Variants in DNAH6 observed in about 807,000 individuals in gnomAD.
DNAH6 encodes the protein dynein axonemal heavy chain 6, also known as axonemal beta dynein heavy chain 6.
Under a neutral mutation model 491.4 loss-of-function variants are expected in DNAH6, and 340 were observed. The ratio of observed to expected loss-of-function variants is 0.69; its 90% CI spans 0.63 to 0.76. DNAH6 has a LOEUF of 0.76. DNAH6 is among the 30% of genes least tolerant of loss of function. The probability of loss-of-function intolerance (pLI) is 0.00; values close to 1 mark genes in which losing one functional copy is unlikely to be tolerated. For missense variants in DNAH6, 4,443 were observed against 4,972.2 expected (o/e 0.89, Z 3.20); for synonymous variants, 1,603 against 1,686.1 (o/e 0.95, Z 1.21).
the DNAH6 span, among the ~76,000 whole-genome samples, chr2:84,476,277 G>A: frequency 3.9e-5 from 6 of 152,230 alleles, no homozygotes; most frequent in South Asian, 2.1e-4. Flanking sequence ...CTATAGTTAC[G>A]GGAAATTGCC....
rs1680256840 is a variant in DNAH6 at position 84,814,042 on chromosome 2, C to T, written c.12070C>T (p.Pro4024Ser). 1 of 1,551,726 alleles carries T rather than the reference C, an allele frequency of 6.4e-7. No homozygotes were observed. Among genetic ancestry groups the T allele is most frequent in the Non-Finnish European group, 8.7e-7 (1 of 1,146,986 alleles). The change falls in exon 75 of 77, where the codon CCC becomes TCC. Residue 4024 changes from proline (P) to serine (S), a missense_variant. This residue lies in a region of DNAH6 where 1,463 missense variants were observed against 1,656.6 expected (regional missense o/e 0.88). Coordinates refer to ENST00000389394, the MANE Select transcript of DNAH6 (RefSeq NM_001370.2). ...DELSFKYSVI[P>S]TYRDQAAVIE... ...GCTGAGTTTCAAATACAGCGTAATT[C>T]CCACCTATCGGGATCAAGCTGCAGT...
At chr2:84,758,467 C>CA (rs1446640124) in intron 63 of DNAH6, among the ~76,000 whole-genome samples, 3 of 151,524 alleles carry the variant, frequency 2.0e-5, no homozygotes, top group South Asian at 2.1e-4. Flanking sequence ...AAGGACACAA[C>CA]AAAAAAAGAA....
intron 4 of DNAH6, among the ~76,000 whole-genome samples, chr2:84,538,832 A>G (rs564124761): frequency 1.3e-5 from 2 of 152,204 alleles, no homozygotes; most frequent in East Asian, 3.9e-4. Context: ...CTTTTTAGGC[A>G]GCTTTTAAAA....
chr2:84,507,751 A>G, the DNAH6 span, among the ~76,000 whole-genome samples: 2 of 152,132 alleles, frequency 1.3e-5, no homozygotes, highest in Non-Finnish European at 2.9e-5. Flanking sequence ...ATCAATACCT[A>G]ATTTATTGAG....
chr2:84,669,231 A>G (rs1218609983), intron 37 of DNAH6, 58 bp from the exon 38 acceptor site: 1 of 1,297,268 alleles, frequency 7.7e-7, no homozygotes, highest in Non-Finnish European at 1.1e-6. Flanking sequence ...TGTATCTACT[A>G]CTGTGTGTCA....
In DNAH6 at chr2:84,624,325, C is replaced by G; in HGVS notation, c.4132C>G (p.Leu1378Val). ...GSLPKLHRNI[L>V]TALITIDVHA... ...TCTTCCTAAATTACACAGAAACATC[C>G]TAACTGCATTGATTACTATTGATGT... is the stretch of plus-strand genomic sequence containing the variant. Residue 1378 changes from leucine to valine, a missense_variant, in exon 27 of 77, where the codon CTA becomes GTA. By Grantham distance (32) the Leu-to-Val change is conservative. Coordinates refer to ENST00000389394, the MANE Select transcript of DNAH6 (RefSeq NM_001370.2). 2 of 1,551,196 alleles carry G rather than the reference C, an allele frequency of 1.3e-6. No homozygotes were observed. The highest frequency in any genetic ancestry group is 1.7e-6 in the Non-Finnish European group (2 of 1,146,618).
At chr2:84,688,684 G>T in intron 45 of DNAH6, 91 bp downstream of exon 45, 1 of 1,016,200 alleles carries the variant, frequency 9.8e-7, no homozygotes. Flanking sequence ...TCTTCAAACA[G>T]ATTGCTAGAT....
intron 63 of DNAH6, among the ~76,000 whole-genome samples, chr2:84,758,228 T>TTATTTA (rs1419783714): frequency 1.3e-5 from 2 of 152,220 alleles, no homozygotes; most frequent in African/African-American, 4.8e-5. Context: ...GTGTTACCAT[T>TTATTTA]TTGGTATTTA....
At position 84,624,535 on chromosome 2, in the gene DNAH6, G is replaced by A. The variant is rs1687679501; in HGVS notation, c.4268G>A (p.Cys1423Tyr). Residue 1423 changes from cysteine to tyrosine, a missense_variant, in exon 28 of 77, where the codon TGT (cysteine) becomes TAT (tyrosine). Physicochemically the swap from Cys to Tyr is radical, Grantham distance 194. This residue lies in a region of DNAH6 where 2,977 missense variants were observed against 3,296.6 expected (regional missense o/e 0.90). Transcript: ENST00000389394. ...RYYWDIDLDN[C>Y]VARMALSQYT... is the part of the protein sequence containing the mutation. The stretch of plus-strand genomic sequence containing the variant: ...TACTGGGATATAGACCTGGATAATT[G>A]TGTGGCTAGAATGGCGCTCTCTCAG... The A allele has an allele frequency of 1.3e-6, 2 of 1,551,740 alleles. No individual in the cohort carries two copies. Among genetic ancestry groups the A allele is most frequent in the Non-Finnish European group, 1.7e-6 (2 of 1,147,000 alleles).
the DNAH6 span, among the ~76,000 whole-genome samples, chr2:84,483,843 C>T: frequency 1.1e-4 from 17 of 152,046 alleles, no homozygotes; most frequent in African/African-American, 4.1e-4. Flanking sequence ...CCAGCATCTT[C>T]GTGTGTGACC....
At chr2:84,606,487 G>A (rs1319695765) in intron 20 of DNAH6, among the ~76,000 whole-genome samples, 2 of 152,162 alleles carry the variant, frequency 1.3e-5, no homozygotes, top group African/African-American at 2.4e-5. Flanking sequence ...GTAGGGGAGG[G>A]AGGTGGAGGA....
chr2:84,510,957 G>A, the DNAH6 span, among the ~76,000 whole-genome samples: 82 of 152,274 alleles, frequency 5.4e-4, no homozygotes, highest in African/African-American at 1.8e-3. Flanking sequence ...AGGAGTACCC[G>A]GCCGTGTGAG....
At chr2:84,799,507 G>T (rs1224968471) in intron 70 of DNAH6, among the ~76,000 whole-genome samples, 2 of 152,244 alleles carry the variant, frequency 1.3e-5, no homozygotes, top group South Asian at 4.1e-4. Flanking sequence ...GCTGGGCTGA[G>T]AAGCCTAGGC....
chr2:84,804,630 AT>A (rs1679243972), intron 70 of DNAH6, among the ~76,000 whole-genome samples: 1 of 152,098 alleles, frequency 6.6e-6, no homozygotes. Flanking sequence ...AGTTAATTGA[AT>A]AAAAGAATGA....
chr2:84,601,032 T>A (rs1274533808), intron 18 of DNAH6, among the ~76,000 whole-genome samples: 14 of 146,704 alleles, frequency 9.5e-5, no homozygotes, highest in African/African-American at 3.0e-4. Flanking sequence ...ATAATGTTAT[T>A]ATTATACTAT....
At chr2:84,819,227 A>T in intron 76 of DNAH6, 78 bp from the exon 77 acceptor site, 1 of 1,046,116 alleles carries the variant, frequency 9.6e-7, no homozygotes, top group Non-Finnish European at 1.4e-6. Flanking sequence ...AGATGTCTTG[A>T]CTCTTTGTAG....
intron 76 of DNAH6, 113 bp downstream of exon 76, chr2:84,816,196 TTAAAA>T: frequency 1.2e-6 from 1 of 800,726 alleles, no homozygotes; most frequent in Non-Finnish European, 1.9e-6. Context: ...TAAACTAGAC[TTAAAA>T]TGAAGCCACC....
At chr2:84,698,838 A>G (rs953602790) in intron 47 of DNAH6, among the ~76,000 whole-genome samples, 3 of 152,216 alleles carry the variant, frequency 2.0e-5, no homozygotes, top group African/African-American at 7.2e-5. Flanking sequence ...TGTGCACACC[A>G]TGGAATACTA....
intron 41 of DNAH6, 143 bp downstream of exon 41, chr2:84,677,279 C>A: frequency 9.4e-7 from 1 of 1,066,932 alleles, no homozygotes; most frequent in Non-Finnish European, 1.4e-6. Context: ...TAAATATGGA[C>A]TCCTGGAGAG....
Sources: allele counts gnomAD v4.1 joint callset (sites outside exome capture counted in the v4.1 genomes callset), GRCh38; gene constraint gnomAD v4.1.1; regional missense constraint gnomAD v4.1.1; transcripts MANE v1.5; gene names NCBI Gene and HGNC (gene_info 2026-07-23, HGNC 2026-07-21).